Variants in PPP6R3 observed in about 807,000 individuals in gnomAD.
PPP6R3 encodes the protein serine/threonine-protein phosphatase 6 regulatory subunit 3.
A neutral mutation model predicts 110.7 loss-of-function variants in PPP6R3; 38 were observed. The ratio of observed to expected loss-of-function variants is 0.34; its 90% CI spans 0.26 to 0.45. The LOEUF (loss-of-function observed/expected upper bound fraction) is 0.45, where lower values mean the gene tolerates loss of function less well. Among genes scored for constraint, PPP6R3 ranks in the 20% least tolerant of loss-of-function variants. The probability of loss-of-function intolerance (pLI) is 1.00; values close to 1 mark genes in which losing one functional copy is unlikely to be tolerated. For synonymous variants in PPP6R3, 369 were observed against 373.5 expected (o/e 0.99, Z 0.14); for missense variants, 870 against 1,062.4 (o/e 0.82, Z 2.52).
At position 68,551,105 on chromosome 11, in the gene PPP6R3, A is replaced by G. The variant is rs1672211630; in HGVS notation, c.553-16A>G. 1.3e-6 allele frequency: 2 copies of G among 1,570,874 alleles called. No individual in the cohort carries two copies. The highest frequency in any genetic ancestry group is 1.7e-5 in the Admixed American group (1 of 59,040). On this transcript the variant is annotated splice_polypyrimidine_tract_variant and intron_variant, in intron 5 of 23. Coordinates refer to ENST00000393800, the MANE Select transcript of PPP6R3 (RefSeq NM_001164161.2). ...GCCACTCATTGCTATGATTACTTCT[A>G]CAATGTGTTTTACAGTGGTTAAATG...
chr11:68,571,137 T>A, intron 12 of PPP6R3, 33 bp downstream of exon 12: 1 of 1,586,578 alleles, frequency 6.3e-7, no homozygotes, highest in Non-Finnish European at 8.5e-7. Context: ...AGGAATTCAG[T>A]TTGGTTGGTA....
chr11:68,615,307 A>T lies in PPP6R3; in HGVS notation c.*2190A>T, dbSNP rs1945080294. 2.8e-6 allele frequency: 1 copy of T among 353,736 alleles called. No individual in the cohort carries two copies. The highest frequency in any genetic ancestry group is 5.6e-6 in the Non-Finnish European group (1 of 179,480). 21.9% of individuals were successfully genotyped at this position (353,736 alleles called of 1,614,324 possible). A position where few individuals can be genotyped will look rare whatever the true frequency, so the allele number is the denominator to read the frequency against. ...AATACCTGTATTCAAAATAACAAAAATAAAGCCTGATTCTTTGTTTCTAGA... is the reference window on the plus strand; with the variant it reads ...AATACCTGTATTCAAAATAACAAAATTAAAGCCTGATTCTTTGTTTCTAGA... On this transcript the variant is annotated 3_prime_UTR_variant, in exon 24 of 24. Transcript: ENST00000393800.
intron 13 of PPP6R3, among the ~76,000 whole-genome samples, chr11:68,574,565 C>T (rs1565945762): frequency 6.6e-6 from 1 of 152,198 alleles, no homozygotes. Flanking sequence ...GCAGTTGAGC[C>T]ACTTCAGCTA....
chr11:68,542,387 C>CTTTTTTT (rs1555132162), intron 3 of PPP6R3, among the ~76,000 whole-genome samples: 2 of 4,238 alleles, frequency 4.7e-4, no homozygotes, highest in Non-Finnish European at 1.0e-3. Context: ...TGAGAAGCTG[C>CTTTTTTT]TGTTTTTTTT....
chr11:68,564,356 C>A lies in PPP6R3; in HGVS notation c.899C>A (p.Ser300Ter). The change falls in exon 9 of 24, where the codon TCA (serine) becomes TAA (stop). Residue 300 changes from serine (S) to a stop codon, truncating the protein, a stop_gained. Transcript: ENST00000393800. LOFTEE classifies it high-confidence loss of function. ...CCAGGCATGAGCCATTCAGCTTGTT[C>A]AGTAAACAAGAGTGTTCTAGAAGCC... Reference protein sequence around the residue: ...CPPGMSHSACSVNKSVLEAIR... With the variant: ...CPPGMSHSAC 1 of 1,612,486 alleles carries A rather than the reference C, an allele frequency of 6.2e-7. No individual in the cohort carries two copies. Among genetic ancestry groups the A allele is most frequent in the South Asian group, 1.1e-5 (1 of 91,042 alleles).
intron 8 of PPP6R3, among the ~76,000 whole-genome samples, chr11:68,563,589 A>G (rs925421969): frequency 1.3e-5 from 2 of 152,216 alleles, no homozygotes; most frequent in South Asian, 2.1e-4. Flanking sequence ...TCAGCCCACT[A>G]CTTAGCTAAA....
At chr11:68,467,051 C>T (rs1342371213) in intron 1 of PPP6R3, among the ~76,000 whole-genome samples, 1 of 152,262 alleles carries the variant, frequency 6.6e-6, no homozygotes, top group African/African-American at 2.4e-5. Flanking sequence ...CTAGCTAGGA[C>T]ATTGTCATGT....
chr11:68,609,950 G>A lies in PPP6R3; in HGVS notation c.2497G>A (p.Ala833Thr), dbSNP rs748446630. ...STSQDAACKDAEECPETAEAK... is the reference protein window; with the variant it reads ...STSQDAACKDTEECPETAEAK... ...CTCTCAAGATGCTGCTTGTAAAGACGCAGAGGAGTGTCCCGAGACTGCAGA... is the reference window on the plus strand; with the variant it reads ...CTCTCAAGATGCTGCTTGTAAAGACACAGAGGAGTGTCCCGAGACTGCAGA... Residue 833 changes from alanine (A) to threonine (T), a missense_variant, in exon 23 of 24, where the codon GCA becomes ACA. Transcript: ENST00000393800. 1.5e-5 allele frequency: 25 copies of A among 1,614,054 alleles called. No homozygotes were observed. Among genetic ancestry groups the A allele is most frequent in the East Asian group, 2.2e-5 (1 of 44,900 alleles).
In PPP6R3 at chr11:68,465,375, C is replaced by T. The variant is rs149872428; in HGVS notation, c.-158+4548C>T. Among the ~76,000 whole-genome samples the T allele has an allele frequency of 2.3e-3, 343 of 152,184 alleles. 7 individuals are homozygous for T. Among genetic ancestry groups the T allele is most frequent in the Admixed American group, 0.017 (257 of 15,278 alleles). On this transcript the variant is annotated intron_variant, in intron 1 of 23. Coordinates refer to ENST00000393800, the MANE Select transcript of PPP6R3 (RefSeq NM_001164161.2). ...TCCCAGCAGAGAAGTGTTCTTTTCT[C>T]CTGGGGAGATGAGATGCAGTGGTAG...
chr11:68,514,632 T>C (rs1391380483), intron 1 of PPP6R3, among the ~76,000 whole-genome samples: 1 of 152,226 alleles, frequency 6.6e-6, no homozygotes, highest in Non-Finnish European at 1.5e-5. Flanking sequence ...ACGCCCAGGC[T>C]GGAGTACAGT....
At chr11:68,554,704 G>A (rs1228708661) in intron 7 of PPP6R3, among the ~76,000 whole-genome samples, 1 of 152,130 alleles carries the variant, frequency 6.6e-6, no homozygotes, top group African/African-American at 2.4e-5. Context: ...GACAGCTTGG[G>A]GATGGGGTGC....
chr11:68,596,803 C>G (rs1292049897), intron 19 of PPP6R3, among the ~76,000 whole-genome samples: 1 of 152,136 alleles, frequency 6.6e-6, no homozygotes, highest in Non-Finnish European at 1.5e-5. Flanking sequence ...TGTGAAGGAG[C>G]CATATGGGCT....
chr11:68,531,114 G>A (rs948059274), intron 2 of PPP6R3, among the ~76,000 whole-genome samples: 14 of 152,132 alleles, frequency 9.2e-5, no homozygotes, highest in Admixed American at 2.0e-4. Flanking sequence ...CTTTTCCTAT[G>A]TTTTTCATGG....
chr11:68,506,103 G>A lies in PPP6R3; in HGVS notation c.-157-13398G>A, dbSNP rs142180157. On this transcript the variant is annotated intron_variant, in intron 1 of 23. Transcript: ENST00000393800. ...GCCAGTTTATTAGGTTGGTGCAAAA[G>A]TAATTGTGGTTTTTGCCATTACTTT... Among the ~76,000 whole-genome samples the A allele has an allele frequency of 9.0e-4, 129 of 142,602 alleles. No individual in the cohort carries two copies. The East Asian group carries it at 0.025, about 28-fold the overall frequency. 93.6% of individuals were successfully genotyped at this position (142,602 alleles called of 152,430 possible).
intron 1 of PPP6R3, among the ~76,000 whole-genome samples, chr11:68,513,987 G>T (rs76225083): frequency 0.023 from 3,551 of 152,306 alleles, 65 homozygotes; most frequent in Non-Finnish European, 0.035. Context: ...CTCATCAAAA[G>T]ACATAGGTTG....
chr11:68,530,415 T>C (rs1037304475), intron 2 of PPP6R3, among the ~76,000 whole-genome samples: 5 of 152,370 alleles, frequency 3.3e-5, no homozygotes, highest in South Asian at 2.1e-4. Flanking sequence ...TAACACATTT[T>C]GTTGTCTTAA....
At chr11:68,574,295 T>G in intron 13 of PPP6R3, 71 bp downstream of exon 13, 1 of 1,196,286 alleles carries the variant, frequency 8.4e-7, no homozygotes, top group Non-Finnish European at 1.2e-6. Context: ...CAAGTAGAAA[T>G]GCATGTAGCA....
chr11:68,522,788 C>G (rs1177326006), intron 2 of PPP6R3: 5 of 152,326 alleles, frequency 3.3e-5, no homozygotes, highest in African/African-American at 1.2e-4. Flanking sequence ...GTAGCATATC[C>G]TATCAGATTC....
chr11:68,557,395 G>T (rs371537011), intron 7 of PPP6R3, among the ~76,000 whole-genome samples: 2 of 152,218 alleles, frequency 1.3e-5, no homozygotes, highest in East Asian at 3.8e-4. Flanking sequence ...CAAGGAACTG[G>T]TGTACAGTAC....
Sources: gnomAD v4.1 joint callset for allele counts (sites outside exome capture counted in the v4.1 genomes callset) on GRCh38, gnomAD v4.1.1 for gene constraint, MANE v1.5 for transcripts, NCBI Gene and HGNC (gene_info 2026-07-23, HGNC 2026-07-21) for gene names.